Variants in SNX7 observed in about 807,000 individuals in gnomAD.
SNX7 encodes sorting nexin-7.
A neutral mutation model predicts 48.4 loss-of-function variants in SNX7; 35 were observed. The observed-to-expected ratio is 0.72, with a 90% confidence interval of 0.55 to 0.96. The LOEUF (loss-of-function observed/expected upper bound fraction) is 0.96. SNX7 is among the 40% of genes least tolerant of loss of function. The pLI is 0.00. For synonymous variants in SNX7, 190 were observed against 190.2 expected, an observed-to-expected ratio of 1.00 and a Z score of 0.01; for missense variants, 553 against 548.9, an observed-to-expected ratio of 1.01 and a Z score of -0.07.
chr1:98,666,192 C>T (rs1025116805), intron 1 of SNX7, among the ~76,000 whole-genome samples: 3 of 152,166 alleles, frequency 2.0e-5, no homozygotes, highest in East Asian at 1.9e-4. Flanking sequence ...GAGTTGAATG[C>T]GGGGACTATT....
intron 1 of SNX7, among the ~76,000 whole-genome samples, chr1:98,669,152 A>G (rs1329358220): frequency 6.6e-6 from 1 of 152,112 alleles, no homozygotes; most frequent in Non-Finnish European, 1.5e-5. Context: ...TAGTGATGTA[A>G]TAATTCCTTA....
intron 7 of SNX7, among the ~76,000 whole-genome samples, chr1:98,704,361 G>T (rs1651912206): frequency 6.6e-6 from 1 of 151,944 alleles, no homozygotes. Context: ...GTATTTTTTT[G>T]TTTATCATCA....
chr1:98,757,058 A>C (rs1222974732), intron 8 of SNX7, among the ~76,000 whole-genome samples: 1 of 152,034 alleles, frequency 6.6e-6, no homozygotes, highest in African/African-American at 2.4e-5. Context: ...CCACTCCTGC[A>C]TACGCCATGC....
chr1:98,729,824 AG>A (rs199715871), intron 7 of SNX7, among the ~76,000 whole-genome samples: 1,943 of 152,288 alleles, frequency 0.013, 54 homozygotes, highest in African/African-American at 0.045. Context: ...GAATTCTACA[AG>A]GGGAACAAAG....
chr1:98,694,869 A>G (rs1398861595), intron 4 of SNX7, among the ~76,000 whole-genome samples: 1 of 151,708 alleles, frequency 6.6e-6, no homozygotes, highest in Non-Finnish European at 1.5e-5. Context: ...GGCCTCCCAA[A>G]GTACTGGGAT....
intron 4 of SNX7, among the ~76,000 whole-genome samples, chr1:98,694,098 C>A (rs1056685312): frequency 6.6e-6 from 1 of 152,160 alleles, no homozygotes; most frequent in African/African-American, 2.4e-5. Context: ...CAGCTGGGCG[C>A]GGTGGCTCAC....
At chr1:98,662,715 C>T (rs1487759416) in intron 1 of SNX7, 1 of 1,289,198 alleles carries the variant, frequency 7.8e-7, no homozygotes, top group East Asian at 5.5e-5. Flanking sequence ...AATGTCACTC[C>T]AGTTTCTCAA....
intron 7 of SNX7, among the ~76,000 whole-genome samples, chr1:98,723,461 C>CT (rs34767358): frequency 4.0e-5 from 6 of 151,234 alleles, no homozygotes; most frequent in Non-Finnish European, 7.4e-5. Flanking sequence ...ATTTTATGGC[C>CT]TTTTTTTTGG....
At position 98,691,937 on chromosome 1, in the gene SNX7, A is replaced by ACTCT. The variant is rs59743636; in HGVS notation, c.639+265_639+268dup. Among the ~76,000 whole-genome samples, 1,311 of 131,144 alleles carry ACTCT rather than the reference A, an allele frequency of 1.0e-2. 13 individuals are homozygous for ACTCT. The highest frequency in any genetic ancestry group is 0.024 in the Middle Eastern group (6 of 248). The allele number at this position is 131,144 out of a possible 152,430, so 86.0% of individuals were successfully genotyped here. ...TATACACACACACACACACACACAC[A>ACTCT]CTCTCTCTCTCTCTCTCTCTCTCTC... On this transcript the variant is annotated intron_variant, in intron 4 of 8. Transcript: ENST00000306121.
chr1:98,711,557 A>G (rs1652307710), intron 7 of SNX7, among the ~76,000 whole-genome samples: 1 of 152,212 alleles, frequency 6.6e-6, no homozygotes, highest in African/African-American at 2.4e-5. Context: ...CCATAGCATT[A>G]TGTGTAAAAA....
At chr1:98,721,189 G>T (rs1215621771) in intron 7 of SNX7, among the ~76,000 whole-genome samples, 2 of 152,058 alleles carry the variant, frequency 1.3e-5, no homozygotes, top group Non-Finnish European at 2.9e-5. Context: ...AATGCTCTTT[G>T]GAGCATTTTG....
At chr1:98,717,023 T>G (rs994047192) in intron 7 of SNX7, among the ~76,000 whole-genome samples, 15 of 152,022 alleles carry the variant, frequency 9.9e-5, no homozygotes, top group African/African-American at 3.6e-4. Context: ...AAAAAAAAAC[T>G]TGGATTTCAT....
chr1:98,685,552 A>G lies in SNX7; in HGVS notation c.363+485A>G, dbSNP rs551749200. Among the ~76,000 whole-genome samples the G allele has an allele frequency of 3.3e-5, 5 of 152,318 alleles. No individual in the cohort carries two copies. In the South Asian group the frequency reaches 8.3e-4, roughly 25 times the overall value. ...AATAATTCAAGAGCAAAGTAGATCT[A>G]GAACACAGATCTCTTTAATCGTAGG... On this transcript the variant is annotated intron_variant, in intron 2 of 8. Coordinates refer to ENST00000306121, the MANE Select transcript of SNX7 (RefSeq NM_015976.5).
chr1:98,758,936 C>T (rs1333376062), intron 8 of SNX7, among the ~76,000 whole-genome samples: 1 of 151,448 alleles, frequency 6.6e-6, no homozygotes, highest in African/African-American at 2.4e-5. Context: ...TGTGCATACA[C>T]ACACACACAC....
intron 7 of SNX7, among the ~76,000 whole-genome samples, chr1:98,704,671 C>A (rs1030153977): frequency 6.6e-6 from 1 of 152,086 alleles, no homozygotes; most frequent in Non-Finnish European, 1.5e-5. Flanking sequence ...GCGACCCTGG[C>A]AGAGAACTGA....
intron 1 of SNX7, among the ~76,000 whole-genome samples, chr1:98,676,937 C>T (rs535298262): frequency 6.6e-5 from 10 of 152,188 alleles, no homozygotes; most frequent in African/African-American, 2.4e-4. Flanking sequence ...TTACTCAGTA[C>T]TGGCCAACTT....
At chr1:98,732,040 T>A (rs1653539172) in intron 7 of SNX7, among the ~76,000 whole-genome samples, 1 of 152,148 alleles carries the variant, frequency 6.6e-6, no homozygotes, top group Non-Finnish European at 1.5e-5. Context: ...AAGATGGGGT[T>A]ACCGTTTCTA....
Position 98,760,145 on chromosome 1 carries a change from T to G in SNX7, c.*14T>G, listed in dbSNP as rs781695145. ...GATAAACCTTAATCCCATTGAGGACTTCTGTTTGATCTTTGGGAGACAGCA... is the reference window on the plus strand; with the variant it reads ...GATAAACCTTAATCCCATTGAGGACGTCTGTTTGATCTTTGGGAGACAGCA... On this transcript the variant is annotated 3_prime_UTR_variant, in exon 9 of 9. Coordinates refer to ENST00000306121, the MANE Select transcript of SNX7 (RefSeq NM_015976.5). 2 of 1,577,788 alleles carry G rather than the reference T, an allele frequency of 1.3e-6. No homozygotes were observed. Among genetic ancestry groups the G allele is most frequent in the Non-Finnish European group, 1.7e-6 (2 of 1,147,642 alleles).
At chr1:98,671,960 A>G (rs72724094) in intron 1 of SNX7, among the ~76,000 whole-genome samples, 22,296 of 152,218 alleles carry the variant, frequency 0.15, 1,842 homozygotes, top group South Asian at 0.19. Flanking sequence ...TTAGAATGAA[A>G]ATTAAAGCCT....
Sources: gnomAD v4.1 joint callset for allele counts (sites outside exome capture counted in the v4.1 genomes callset) on GRCh38, gnomAD v4.1.1 for gene constraint, MANE v1.5 for transcripts, NCBI Gene and HGNC (gene_info 2026-07-23, HGNC 2026-07-21) for gene names.